CNOT6L: variants seen among roughly 807,000 people sequenced by gnomAD.
The protein encoded by CNOT6L is CCR4-NOT transcription complex subunit 6-like.
A neutral mutation model predicts 64.0 loss-of-function variants in CNOT6L; 7 were observed. That is an observed-to-expected ratio of 0.11 (90% CI 0.06 to 0.21). CNOT6L has a LOEUF of 0.21. Ranked by LOEUF, CNOT6L falls within the 10% of genes least tolerant of loss-of-function variation. The pLI is 1.00. For synonymous variants in CNOT6L, 193 were observed against 243.4 expected, an observed-to-expected ratio of 0.79 and a Z score of 1.93; for missense variants, 245 against 669.0, an observed-to-expected ratio of 0.37 and a Z score of 6.99.
intron 4 of CNOT6L, among the ~76,000 whole-genome samples, chr4:77,772,407 G>A (rs1010057461): frequency 6.6e-6 from 1 of 151,758 alleles, no homozygotes; most frequent in Non-Finnish European, 1.5e-5. Context: ...TGTATTTTTA[G>A]TAGAGACAGG....
At chr4:77,817,312 A>G (rs1733690955) in intron 1 of CNOT6L, among the ~76,000 whole-genome samples, 1 of 152,208 alleles carries the variant, frequency 6.6e-6, no homozygotes, top group Non-Finnish European at 1.5e-5. Context: ...TATATACATT[A>G]AAGTTTATAT....
Position 77,742,122 on chromosome 4 carries a change from C to CTTTTA in CNOT6L, c.872+18_872+19insTAAAA, listed in dbSNP as rs1468805747. 6 of 1,606,416 alleles carry CTTTTA rather than the reference C, an allele frequency of 3.7e-6. No individual in the cohort carries two copies. The East Asian group carries it at 8.9e-5, about 24-fold the overall frequency. On this transcript the variant is annotated intron_variant, in intron 8 of 11. Transcript: ENST00000504123. ...AAATAAATAAAAGTACACCATTGTGCTTTGTTTCCTTAACTTACTTTTCTG... is the reference window on the plus strand; with the variant it reads ...AAATAAATAAAAGTACACCATTGTGCTTTTATTTGTTTCCTTAACTTACTTTTCTG...
At chr4:77,736,131 CAT>C (rs1722917869) in intron 8 of CNOT6L, among the ~76,000 whole-genome samples, 1 of 152,104 alleles carries the variant, frequency 6.6e-6, no homozygotes, top group Admixed American at 6.6e-5. Flanking sequence ...AAACAGGATG[CAT>C]ATGTCATTAT....
At chr4:77,730,191 T>C (rs527277373) in intron 9 of CNOT6L, among the ~76,000 whole-genome samples, 7 of 152,230 alleles carry the variant, frequency 4.6e-5, no homozygotes, top group Admixed American at 1.3e-4. Context: ...CAAGCTATAA[T>C]TATCTTCAAT....
chr4:77,777,245 G>A (rs979736232), intron 1 of CNOT6L, among the ~76,000 whole-genome samples: 2 of 152,148 alleles, frequency 1.3e-5, no homozygotes, highest in African/African-American at 4.8e-5. Context: ...GCTCAAAAGA[G>A]TCCAATTTGG....
chr4:77,790,164 A>T (rs1346573285), intron 1 of CNOT6L, among the ~76,000 whole-genome samples: 1 of 151,956 alleles, frequency 6.6e-6, no homozygotes, highest in Non-Finnish European at 1.5e-5. Flanking sequence ...TACGGTGTGT[A>T]GTCTTTTCAG....
intron 11 of CNOT6L, 138 bp from the exon 12 acceptor site, chr4:77,720,781 A>T (rs1393937501): frequency 2.7e-6 from 2 of 733,286 alleles, no homozygotes; most frequent in East Asian, 5.4e-5. Flanking sequence ...ATAAGGCTCA[A>T]ATATTCAATG....
chr4:77,746,844 G>C (rs1051644962), intron 6 of CNOT6L, among the ~76,000 whole-genome samples: 7 of 152,038 alleles, frequency 4.6e-5, no homozygotes, highest in Non-Finnish European at 8.8e-5. Context: ...CATGCAACCT[G>C]ATAGTAAAAA....
intron 1 of CNOT6L, among the ~76,000 whole-genome samples, chr4:77,812,618 G>A (rs1487451445): frequency 6.6e-6 from 1 of 151,728 alleles, no homozygotes. Flanking sequence ...AAGAAATGCA[G>A]CAACAGAAGT....
chr4:77,785,647 T>C (rs1233399266), intron 1 of CNOT6L, among the ~76,000 whole-genome samples: 1 of 151,994 alleles, frequency 6.6e-6, no homozygotes, highest in Non-Finnish European at 1.5e-5. Flanking sequence ...AATAAGCACA[T>C]GAAAAGATGC....
At chr4:77,796,260 T>G (rs1050324388) in intron 1 of CNOT6L, among the ~76,000 whole-genome samples, 4 of 151,784 alleles carry the variant, frequency 2.6e-5, no homozygotes, top group South Asian at 2.1e-4. Flanking sequence ...AAAAGAAAAA[T>G]AAAATTGGAG....
intron 5 of CNOT6L, among the ~76,000 whole-genome samples, chr4:77,749,380 G>A (rs1724595402): frequency 6.6e-6 from 1 of 152,172 alleles, no homozygotes; most frequent in Non-Finnish European, 1.5e-5. Context: ...GGCTATGTGA[G>A]TGCCATGGCA....
chr4:77,819,485 C>G, upstream of CNOT6L: 1 of 1,345,842 alleles, frequency 7.4e-7, no homozygotes. Context: ...CCGCCCGCCC[C>G]GAGGGGAAGC....
In CNOT6L at chr4:77,811,795, T is replaced by A. The variant is rs145824170; in HGVS notation, c.5+7509A>T. On this transcript the variant is annotated intron_variant, in intron 1 of 11. Coordinates refer to ENST00000504123, the MANE Select transcript of CNOT6L (RefSeq NM_144571.3). Reference sequence around the variant, plus strand: ...TGAACTTCCTCAACCTGATAAAGGCTATTAATGAAAAACTTATAGCTCACT... The same window carrying A: ...TGAACTTCCTCAACCTGATAAAGGCAATTAATGAAAAACTTATAGCTCACT... 1.1e-4 allele frequency among the ~76,000 whole-genome samples: 17 copies of A among 151,774 alleles called. No homozygotes were observed. In the East Asian group the frequency reaches 3.3e-3, roughly 29 times the overall value.
intron 1 of CNOT6L, among the ~76,000 whole-genome samples, chr4:77,788,563 A>G (rs896692711): frequency 1.3e-5 from 2 of 152,182 alleles, no homozygotes; most frequent in South Asian, 2.1e-4. Context: ...CCCCATCTCC[A>G]CTAAAATACA....
upstream of CNOT6L, among the ~76,000 whole-genome samples, chr4:77,820,019 T>C (rs958788782): frequency 2.6e-5 from 4 of 151,910 alleles, no homozygotes; most frequent in African/African-American, 9.7e-5. Context: ...ACGCAGAGCC[T>C]GGCCTTGGCC....
rs139090979 is a variant in CNOT6L at position 77,813,183 on chromosome 4, A to C, written c.5+6121T>G. 4.1e-4 allele frequency among the ~76,000 whole-genome samples: 63 copies of C among 152,284 alleles called. 2 individuals carry two copies. The East Asian group carries it at 0.011, about 27-fold the overall frequency. On this transcript the variant is annotated intron_variant, in intron 1 of 11. Transcript: ENST00000504123. ...TAGACTTCTACAACAGACCATGTAC[A>C]GAAATTAATTCAAAATGGATCAAAG...
upstream of CNOT6L, chr4:77,819,531 G>T: frequency 1.4e-6 from 1 of 736,004 alleles, no homozygotes; most frequent in Non-Finnish European, 1.9e-6. Flanking sequence ...CGGGGCTCGC[G>T]GGCGGGCGCG....
At chr4:77,775,716 T>C (rs1728070200) in intron 2 of CNOT6L, among the ~76,000 whole-genome samples, 1 of 152,212 alleles carries the variant, frequency 6.6e-6, no homozygotes, top group African/African-American at 2.4e-5. Flanking sequence ...GCCTTTGTTT[T>C]ACATGACCAT....
Sources: allele counts gnomAD v4.1 joint callset (sites outside exome capture counted in the v4.1 genomes callset), GRCh38; gene constraint gnomAD v4.1.1; transcripts MANE v1.5; gene names NCBI Gene and HGNC (gene_info 2026-07-23, HGNC 2026-07-21).